LRRC27: variants seen among roughly 807,000 people sequenced by gnomAD.
LRRC27 encodes the protein leucine-rich repeat-containing protein 27.
Under a neutral mutation model 55.0 loss-of-function variants are expected in LRRC27, and 57 were observed. The ratio of observed to expected loss-of-function variants is 1.04; its 90% confidence interval spans 0.84 to 1.29. LRRC27 has a LOEUF of 1.29. LRRC27 is among the 50% of genes most tolerant of loss of function. The probability of loss-of-function intolerance (pLI) is 0.00; values close to 1 mark genes in which losing one functional copy is unlikely to be tolerated. For synonymous variants in LRRC27, 278 were observed against 251.9 expected (o/e 1.10, Z -0.98); for missense variants, 721 against 651.5 (o/e 1.11, Z -1.16).
At chr10:132,355,225 A>T (rs959329112) in intron 7 of LRRC27, among the ~76,000 whole-genome samples, 1 of 152,216 alleles carries the variant, frequency 6.6e-6, no homozygotes, top group Non-Finnish European at 1.5e-5. Context: ...AGAGGCGCCC[A>T]CCACTACACC....
At chr10:132,346,745 T>C (rs1382013273) in intron 5 of LRRC27, among the ~76,000 whole-genome samples, 1 of 152,230 alleles carries the variant, frequency 6.6e-6, no homozygotes, top group African/African-American at 2.4e-5. Context: ...AATTTCAGTT[T>C]TGTCCCTGGC....
Position 132,348,057 on chromosome 10 carries a change from G to A in LRRC27, c.627G>A (p.Ala209=), listed in dbSNP as rs758352841. The A allele has an allele frequency of 3.1e-5, 50 of 1,613,868 alleles. No individual in the cohort carries two copies. The highest frequency in any genetic ancestry group is 2.5e-4 in the African/African-American group (19 of 74,920). ...GACTGGAGTTGTCTGGAGACCACGCGTCTAACCAAGGAGCTGTGAACGCTC... is the reference window on the plus strand; with the variant it reads ...GACTGGAGTTGTCTGGAGACCACGCATCTAACCAAGGAGCTGTGAACGCTC... ...SPGLELSGDH[A]SNQGAVNAQD... Residue 209 remains alanine (A), a synonymous_variant, in exon 6 of 11, where the codon GCG becomes GCA. Transcript: ENST00000368614. The surrounding 1 kb of genome is among the most constrained non-coding windows in gnomAD (Gnocchi z 4.2).
At chr10:132,330,265 A>G (rs1375437372), upstream of LRRC27, 2 of 574,764 alleles carry the variant, frequency 3.5e-6, no homozygotes, top group Non-Finnish European at 6.3e-6. Flanking sequence ...AGGCAACAAT[A>G]ACAAGCAAGA....
chr10:132,342,077 A>C (rs371805426), intron 3 of LRRC27, 136 bp from the exon 4 acceptor site: 2 of 605,340 alleles, frequency 3.3e-6, no homozygotes, highest in Non-Finnish European at 2.9e-6. Flanking sequence ...TTGTGTGTAC[A>C]TGTTGTAAAT....
chr10:132,364,605 G>C (rs370114726), intron 9 of LRRC27, among the ~76,000 whole-genome samples: 1 of 20,892 alleles, frequency 4.8e-5, no homozygotes, highest in African/African-American at 1.9e-4. Context: ...GGCAGTCCGC[G>C]TCCACGCTTA....
At chr10:132,351,833 G>T in intron 7 of LRRC27, 80 bp downstream of exon 7, 5 of 1,473,578 alleles carry the variant, frequency 3.4e-6, no homozygotes, top group Non-Finnish European at 4.6e-6. Context: ...TTTATGGCAG[G>T]CCTCGTGGAA....
chr10:132,370,053 T>A (rs1221412513), intron 10 of LRRC27, among the ~76,000 whole-genome samples: 2 of 152,092 alleles, frequency 1.3e-5, no homozygotes, highest in Non-Finnish European at 2.9e-5. Flanking sequence ...CTCACGGAGG[T>A]GCCACAACTG....
chr10:132,352,847 C>G (rs2068121136), intron 7 of LRRC27: 1 of 1,611,522 alleles, frequency 6.2e-7, no homozygotes, highest in Non-Finnish European at 8.5e-7. Context: ...TGCCTGCTTT[C>G]TTGTTCTTTT....
chr10:132,365,123 T>C (rs1021780493), intron 9 of LRRC27, among the ~76,000 whole-genome samples: 2 of 152,270 alleles, frequency 1.3e-5, no homozygotes, highest in African/African-American at 4.8e-5. Flanking sequence ...GTCCTAAATG[T>C]GTCATATCTT....
At position 132,378,524 on chromosome 10, in the gene LRRC27, T is replaced by C. The variant is rs1250478970; in HGVS notation, c.*3282T>C. 1 of 152,246 alleles carries C rather than the reference T, an allele frequency of 6.6e-6. No individual in the cohort carries two copies. The highest frequency in any genetic ancestry group is 1.5e-5 in the Non-Finnish European group (1 of 68,088). 9.4% of individuals were successfully genotyped at this position (152,246 alleles called of 1,614,324 possible). On this transcript the variant is annotated 3_prime_UTR_variant, in exon 11 of 11. Coordinates refer to ENST00000368614, the MANE Select transcript of LRRC27 (RefSeq NM_030626.3). ...GTGTGCATGTGTGCGCCCGTGTGTA[T>C]GTGCATATGTGAGTGTGTGTGGCTG...
chr10:132,362,036 C>G (rs1416055776), intron 9 of LRRC27, among the ~76,000 whole-genome samples: 1 of 152,238 alleles, frequency 6.6e-6, no homozygotes, highest in Non-Finnish European at 1.5e-5. Flanking sequence ...CTCAGCCCTT[C>G]CCCTCATGGG....
At position 132,351,596 on chromosome 10, in the gene LRRC27, T is replaced by A. The variant is rs1306793186; in HGVS notation, c.927-11T>A. On this transcript the variant is annotated splice_polypyrimidine_tract_variant and intron_variant, in intron 6 of 10. Coordinates refer to ENST00000368614, the MANE Select transcript of LRRC27 (RefSeq NM_030626.3). ...GTTAAACATTCAGCTAAAAACACTC[T>A]GTAATTTTAGAAGGAAGACAGCCTC... The A allele has an allele frequency of 1.9e-6, 3 of 1,609,524 alleles. No individual in the cohort carries two copies. In the South Asian group the frequency reaches 3.3e-5, roughly 18 times the overall value.
intron 8 of LRRC27, among the ~76,000 whole-genome samples, chr10:132,360,062 T>C (rs992993867): frequency 6.6e-6 from 1 of 152,220 alleles, no homozygotes; most frequent in Non-Finnish European, 1.5e-5. Context: ...TCTTTTAAAA[T>C]AAAATTAAGT....
intron 4 of LRRC27, among the ~76,000 whole-genome samples, chr10:132,344,109 G>C (rs1010660473): frequency 6.6e-6 from 1 of 152,204 alleles, no homozygotes; most frequent in Non-Finnish European, 1.5e-5. Flanking sequence ...CTCCAAGACA[G>C]TTTCCATTGT....
chr10:132,343,442 A>T (rs1345935912), intron 4 of LRRC27, among the ~76,000 whole-genome samples: 1 of 152,230 alleles, frequency 6.6e-6, no homozygotes, highest in Non-Finnish European at 1.5e-5. Context: ...AGAATAGCAA[A>T]TTTACACTTC....
intron 5 of LRRC27, among the ~76,000 whole-genome samples, chr10:132,346,969 C>T (rs1369885080): frequency 6.6e-6 from 1 of 152,198 alleles, no homozygotes; most frequent in Admixed American, 6.5e-5. Flanking sequence ...TCCACTGCGA[C>T]GGCCACCTGG....
At chr10:132,363,541 T>C (rs1185520942) in intron 9 of LRRC27, among the ~76,000 whole-genome samples, 1 of 152,168 alleles carries the variant, frequency 6.6e-6, no homozygotes, top group Non-Finnish European at 1.5e-5. Context: ...AAGCCAAGGC[T>C]GGCCTCAGGG....
In LRRC27 at chr10:132,351,654, C is replaced by A. The variant is rs749239452; in HGVS notation, c.974C>A (p.Pro325Gln). ...AGCATCTTACCCGACCTCTTGTCAC[C>A]GTACCAAATGGCGATCCGAGCAAAA... ...SRSILPDLLSPYQMAIRAKRL... is the reference protein window; with the variant it reads ...SRSILPDLLSQYQMAIRAKRL... The change falls in exon 7 of 11, where the codon CCG becomes CAG. Residue 325 changes from proline to glutamine, a missense_variant. Physicochemically the swap from Pro to Gln is moderately conservative, Grantham distance 76. Coordinates refer to ENST00000368614, the MANE Select transcript of LRRC27 (RefSeq NM_030626.3). 2 of 1,614,132 alleles carry A rather than the reference C, an allele frequency of 1.2e-6. No homozygotes were observed. Among genetic ancestry groups the A allele is most frequent in the Non-Finnish European group, 1.7e-6 (2 of 1,180,028 alleles).
chr10:132,371,733 G>A (rs2069222101), intron 10 of LRRC27, among the ~76,000 whole-genome samples: 1 of 152,244 alleles, frequency 6.6e-6, no homozygotes, highest in South Asian at 2.1e-4. Flanking sequence ...AGATGAATGT[G>A]AACTTCCTGA....
Sources: allele counts gnomAD v4.1 joint callset (sites outside exome capture counted in the v4.1 genomes callset), GRCh38; gene constraint gnomAD v4.1.1; non-coding constraint Gnocchi (gnomAD v3.1); transcripts MANE v1.5; gene names NCBI Gene and HGNC (gene_info 2026-07-23, HGNC 2026-07-21).